Variants in GLRX5 observed in about 807,000 individuals in gnomAD.
GLRX5 encodes the protein glutaredoxin 5, also known as glutaredoxin-related protein 5, mitochondrial.
In GLRX5, 10 loss-of-function variants were observed where a neutral mutation model predicts 13.8. The observed-to-expected ratio is 0.72, with a 90% CI of 0.45 to 1.23. GLRX5 has a LOEUF of 1.23. GLRX5 is among the 50% of genes most tolerant of loss of function. The probability of loss-of-function intolerance (pLI) is 0.00; values close to 1 mark genes in which losing one functional copy is unlikely to be tolerated. For missense variants in GLRX5, 233 were observed against 215.2 expected, an observed-to-expected ratio of 1.08 and a Z score of -0.52; for synonymous variants, 98 against 101.1, an observed-to-expected ratio of 0.97 and a Z score of 0.18.
chr14:95,535,576 T>C (rs1295948901), intron 1 of GLRX5, among the ~76,000 whole-genome samples, 192 bp downstream of exon 1: 2 of 152,196 alleles, frequency 1.3e-5, no homozygotes, highest in African/African-American at 4.8e-5. Context: ...GTAGTTGATT[T>C]CACTGGGTCT....
chr14:95,541,919 T>G (rs942496653), intron 1 of GLRX5, among the ~76,000 whole-genome samples: 5 of 152,334 alleles, frequency 3.3e-5, no homozygotes, highest in African/African-American at 1.2e-4. Context: ...CATGGAAAGC[T>G]TCACACAATA....
At chr14:95,542,629 G>GT (rs755689465) in intron 1 of GLRX5, among the ~76,000 whole-genome samples, 15 of 152,062 alleles carry the variant, frequency 9.9e-5, no homozygotes, top group Non-Finnish European at 2.1e-4. Context: ...TGTATTTTTA[G>GT]TTTGTTTACA....
chr14:95,539,484 A>G (rs1241646786), intron 1 of GLRX5, among the ~76,000 whole-genome samples: 2 of 152,262 alleles, frequency 1.3e-5, no homozygotes, highest in Non-Finnish European at 2.9e-5. Flanking sequence ...AGTTGCAAAC[A>G]CGTAATTATG....
intron 1 of GLRX5, among the ~76,000 whole-genome samples, chr14:95,540,140 C>T (rs939647316): frequency 1.3e-5 from 2 of 152,222 alleles, no homozygotes; most frequent in Non-Finnish European, 2.9e-5. Context: ...ATGCACCAGC[C>T]TTGGCCTCCC....
intron 1 of GLRX5, among the ~76,000 whole-genome samples, chr14:95,535,992 C>T (rs151123992): frequency 1.7e-3 from 253 of 152,262 alleles, no homozygotes; most frequent in African/African-American, 5.8e-3. Flanking sequence ...TGACCTTAGT[C>T]GGGATCTATG....
intron 1 of GLRX5, among the ~76,000 whole-genome samples, chr14:95,539,476 T>C (rs541375650): frequency 1.3e-5 from 2 of 152,356 alleles, no homozygotes; most frequent in East Asian, 3.8e-4. Context: ...AAAAAGCAAG[T>C]TGCAAACACG....
chr14:95,537,741 T>G (rs1168951301), intron 1 of GLRX5, among the ~76,000 whole-genome samples: 2 of 152,244 alleles, frequency 1.3e-5, no homozygotes, highest in African/African-American at 4.8e-5. Context: ...CTTTACAAAG[T>G]GCCTAAACCG....
At chr14:95,541,188 T>G (rs774330341) in intron 1 of GLRX5, among the ~76,000 whole-genome samples, 18 of 152,382 alleles carry the variant, frequency 1.2e-4, no homozygotes, top group Non-Finnish European at 2.4e-4. Flanking sequence ...TCAAGTGATA[T>G]TTGTAAGAAC....
intron 1 of GLRX5, among the ~76,000 whole-genome samples, chr14:95,535,888 A>G (rs1891368315): frequency 6.6e-6 from 1 of 152,016 alleles, no homozygotes. Context: ...GAGGCTAGTG[A>G]GGTCGGAGGC....
chr14:95,536,191 G>A (rs1003978722), intron 1 of GLRX5, among the ~76,000 whole-genome samples: 5 of 152,228 alleles, frequency 3.3e-5, no homozygotes, highest in African/African-American at 1.2e-4. Context: ...ATTAGGCCGG[G>A]AGAGGGAAGG....
intron 1 of GLRX5, among the ~76,000 whole-genome samples, chr14:95,537,122 GTGT>G (rs774037078): frequency 3.1e-4 from 47 of 152,324 alleles, no homozygotes; most frequent in Non-Finnish European, 4.9e-4. Flanking sequence ...TAAAAAAGTG[GTGT>G]TGTTATCTCG....
chr14:95,538,288 C>T (rs370623417), intron 1 of GLRX5, among the ~76,000 whole-genome samples: 4 of 152,132 alleles, frequency 2.6e-5, no homozygotes, highest in South Asian at 2.1e-4. Context: ...GCAAACTCTG[C>T]GGCCTTAAAG....
chr14:95,535,095 C>T lies in GLRX5; in HGVS notation c.6C>T (p.Ser2=), dbSNP rs1188319843. 3.8e-6 allele frequency: 5 copies of T among 1,324,240 alleles called. No individual in the cohort carries two copies. Among genetic ancestry groups the T allele is most frequent in the South Asian group, 1.5e-5 (1 of 64,598 alleles). The allele number at this position is 1,324,240 out of a possible 1,614,324, so 82.0% of individuals were successfully genotyped here. The change falls in exon 1 of 2, where the codon AGC becomes AGT. Residue 2 remains serine, a synonymous_variant. Coordinates refer to ENST00000331334, the MANE Select transcript of GLRX5 (RefSeq NM_016417.3). M[S]GSLGRAAAAL... is the part of the protein sequence containing the mutation. Reference sequence around the variant, plus strand: ...GCTCCGGCTTGCGTGCGGAGATGAGCGGGTCCCTCGGCCGAGCTGCGGCGG... The same window carrying T: ...GCTCCGGCTTGCGTGCGGAGATGAGTGGGTCCCTCGGCCGAGCTGCGGCGG...
At chr14:95,538,093 AAC>A (rs554851393) in intron 1 of GLRX5, among the ~76,000 whole-genome samples, 480 of 33,538 alleles carry the variant, frequency 0.014, 2 homozygotes, top group Non-Finnish European at 0.015. Flanking sequence ...TCTAGTTCCT[AAC>A]AGTTTTTTTT....
intron 1 of GLRX5, 62 bp from the exon 2 acceptor site, chr14:95,543,885 T>A (rs1416290646): frequency 9.1e-6 from 13 of 1,432,582 alleles, no homozygotes; most frequent in Non-Finnish European, 1.1e-5. Context: ...AAATTACATA[T>A]TTAGTCATGA....
chr14:95,535,209 C>A lies in GLRX5; in HGVS notation c.120C>A (p.Gly40=). The part of the protein sequence containing the change: ...RAAGSGAGGG[G]SAEQLDALVK... Reference sequence around the variant, plus strand: ...CGGGCTCGGGCGCGGGCGGCGGCGGCTCGGCGGAGCAGTTGGACGCGCTGG... The same window carrying A: ...CGGGCTCGGGCGCGGGCGGCGGCGGATCGGCGGAGCAGTTGGACGCGCTGG... The change falls in exon 1 of 2, where the codon GGC becomes GGA. Residue 40 remains glycine, a synonymous_variant. Transcript: ENST00000331334. 6.6e-7 allele frequency: 1 copy of A among 1,518,916 alleles called. No homozygotes were observed. Among genetic ancestry groups the A allele is most frequent in the Non-Finnish European group, 8.8e-7 (1 of 1,133,742 alleles). The allele number at this position is 1,518,916 out of a possible 1,614,324, so 94.1% of individuals were successfully genotyped here.
chr14:95,543,965 A>G lies in GLRX5; in HGVS notation c.314A>G (p.Asn105Ser), dbSNP rs773847949. ...ELRQGIKDYS[N>S]WPTIPQVYLN... ...TCCATAGGCATTAAAGACTATTCCA[A>G]CTGGCCCACCATCCCGCAAGTGTAC... Residue 105 changes from asparagine (N) to serine (S), a missense_variant, in exon 2 of 2, where the codon AAC becomes AGC. Asn to Ser is a conservative substitution (Grantham distance 46). Transcript: ENST00000331334. 3.1e-6 allele frequency: 5 copies of G among 1,613,898 alleles called. No homozygotes were observed. Among genetic ancestry groups the G allele is most frequent in the East Asian group, 2.2e-5 (1 of 44,888 alleles).
chr14:95,535,141 G>A lies in GLRX5; in HGVS notation c.52G>A (p.Gly18Ser). Reference protein sequence around the residue: ...AAAALLRWGRGAGGGGLWGPG... With the variant: ...AAAALLRWGRSAGGGGLWGPG... ...GGCGGCTCTGCTCCGCTGGGGGCGC[G>A]GCGCGGGCGGCGGTGGCCTTTGGGG... The change falls in exon 1 of 2, where the codon GGC (glycine) becomes AGC (serine). Residue 18 changes from glycine (G) to serine (S), a missense_variant. Gly to Ser is a moderately conservative substitution (Grantham distance 56). Coordinates refer to ENST00000331334, the MANE Select transcript of GLRX5 (RefSeq NM_016417.3). 8.1e-7 allele frequency: 1 copy of A among 1,238,974 alleles called. No individual in the cohort carries two copies. The highest frequency in any genetic ancestry group is 1.0e-6 in the Non-Finnish European group (1 of 987,236). The allele number at this position is 1,238,974 out of a possible 1,614,324, so 76.7% of individuals were successfully genotyped here. A position where few individuals can be genotyped will look rare whatever the true frequency, so the allele number is the denominator to read the frequency against.
chr14:95,538,873 T>A (rs1296949174), intron 1 of GLRX5, among the ~76,000 whole-genome samples: 1 of 152,214 alleles, frequency 6.6e-6, no homozygotes, highest in East Asian at 1.9e-4. Context: ...AATTACGAAG[T>A]AGACTGGATT....
Sources: allele counts gnomAD v4.1 joint callset (sites outside exome capture counted in the v4.1 genomes callset), GRCh38; gene constraint gnomAD v4.1.1; transcripts MANE v1.5; gene names NCBI Gene and HGNC (gene_info 2026-07-23, HGNC 2026-07-21).